The following HDAC8 variants were observed in gnomAD, a reference collection of about 807,000 sequenced individuals.
HDAC8 encodes the protein histone deacetylase-like 1.
HDAC8 carries 1 observed loss-of-function variant against 32.2 expected under a neutral mutation model. That is an observed-to-expected ratio of 0.03 (90% CI 0.01 to 0.15). The LOEUF is 0.15. Ranked by LOEUF, HDAC8 falls within the 10% of genes least tolerant of loss-of-function variation. The pLI, the probability that HDAC8 is intolerant of heterozygous loss-of-function variation, is 1.00. For missense variants in HDAC8, 117 were observed against 300.0 expected, an observed-to-expected ratio of 0.39 and a Z score of 4.51; for synonymous variants, 108 against 113.9, an observed-to-expected ratio of 0.95 and a Z score of 0.33.
At chrX:72,332,899 G>A (rs1292230679) in intron 10 of HDAC8, among the ~76,000 whole-genome samples, 2 of 110,939 alleles carry the variant, frequency 1.8e-5, no homozygotes, top group Admixed American at 1.9e-4. Flanking sequence ...TAATCCACCC[G>A]CCTCAGCCTC....
intron 4 of HDAC8, among the ~76,000 whole-genome samples, chrX:72,529,466 T>C (rs896426105): frequency 1.8e-5 from 2 of 111,566 alleles, no homozygotes; most frequent in Non-Finnish European, 3.8e-5. Flanking sequence ...GCAATGAATA[T>C]AGCTCTTGAC....
intron 9 of HDAC8, among the ~76,000 whole-genome samples, chrX:72,444,409 C>A (rs1196162267): frequency 8.9e-6 from 1 of 111,775 alleles, no homozygotes; most frequent in Non-Finnish European, 1.9e-5. Flanking sequence ...TGTAATCCAG[C>A]ATATAAACAG....
At chrX:72,334,200 G>C (rs1447693591) in intron 10 of HDAC8, among the ~76,000 whole-genome samples, 3 of 111,796 alleles carry the variant, frequency 2.7e-5, no homozygotes, top group African/African-American at 6.5e-5. Flanking sequence ...ACAGGCTGGG[G>C]CCTAGGGAGA....
intron 9 of HDAC8, among the ~76,000 whole-genome samples, chrX:72,409,325 A>G (rs781803150): frequency 1.8e-5 from 2 of 111,462 alleles, no homozygotes; most frequent in Non-Finnish European, 3.8e-5. Flanking sequence ...GACCATTTTA[A>G]TCACCTCTGC....
At chrX:72,401,053 A>G (rs1357500459) in intron 9 of HDAC8, among the ~76,000 whole-genome samples, 1 of 112,113 alleles carries the variant, frequency 8.9e-6, no homozygotes, top group Non-Finnish European at 1.9e-5. Flanking sequence ...ATTTGTGTAC[A>G]TGTTTTTGTG....
intron 5 of HDAC8, among the ~76,000 whole-genome samples, chrX:72,494,066 T>C (rs889066238): frequency 8.9e-6 from 1 of 112,121 alleles, no homozygotes; most frequent in Middle Eastern, 4.6e-3. Flanking sequence ...CCCCTTGTTA[T>C]AGGCAATAAG....
intron 10 of HDAC8, among the ~76,000 whole-genome samples, chrX:72,348,539 T>C (rs1282777197): frequency 8.9e-6 from 1 of 112,617 alleles, no homozygotes; most frequent in Non-Finnish European, 1.9e-5. Flanking sequence ...TGGACTTCTT[T>C]CTAGCCTTGT....
intron 5 of HDAC8, among the ~76,000 whole-genome samples, chrX:72,494,809 G>A (rs1050308240): frequency 8.9e-6 from 1 of 111,804 alleles, no homozygotes; most frequent in South Asian, 3.8e-4. Flanking sequence ...AATGAAAAGA[G>A]ACAAGACTGT....
At chrX:72,544,218 G>T (rs2050793097) in intron 4 of HDAC8, among the ~76,000 whole-genome samples, 1 of 111,764 alleles carries the variant, frequency 8.9e-6, no homozygotes. Context: ...TGCACTTGGA[G>T]TAATTGACCT....
In HDAC8 at chrX:72,351,721, G is replaced by C. The variant is rs1482349556; in HGVS notation, c.1111+12C>G. Reference sequence around the variant, plus strand: ...GGAACAAGGAGGGCAGGCCTCGAGGGGCGGTGCTCACCTTTGATGTAGTTG... The same window carrying C: ...GGAACAAGGAGGGCAGGCCTCGAGGCGCGGTGCTCACCTTTGATGTAGTTG... On this transcript the variant is annotated intron_variant, in intron 10 of 10. Transcript: ENST00000373573. 8.5e-7 allele frequency: 1 copy of C among 1,169,890 alleles called. No homozygotes were observed. The highest frequency in any genetic ancestry group is 1.8e-5 in the African/African-American group (1 of 56,558).
intron 4 of HDAC8, among the ~76,000 whole-genome samples, chrX:72,533,734 T>C (rs2050426907): frequency 8.9e-6 from 1 of 111,765 alleles, no homozygotes; most frequent in Non-Finnish European, 1.9e-5. Context: ...CAATATAATA[T>C]ACCATATTAC....
chrX:72,499,058 G>A (rs1401112984), intron 4 of HDAC8, among the ~76,000 whole-genome samples: 1 of 111,636 alleles, frequency 9.0e-6, no homozygotes, highest in Non-Finnish European at 1.9e-5. Flanking sequence ...CTCACCATGT[G>A]ATTTGCACAT....
intron 10 of HDAC8, among the ~76,000 whole-genome samples, chrX:72,344,686 C>T (rs184310479): frequency 9.0e-6 from 1 of 111,603 alleles, no homozygotes; most frequent in Non-Finnish European, 1.9e-5. Flanking sequence ...CCATTTCAGT[C>T]GGTATCCAGG....
intron 4 of HDAC8, among the ~76,000 whole-genome samples, chrX:72,562,387 G>A (rs2051599156): frequency 8.9e-6 from 1 of 112,194 alleles, no homozygotes; most frequent in Non-Finnish European, 1.9e-5. Context: ...ATAGCAACAT[G>A]GATGGAATTG....
chrX:72,419,234 T>A (rs2046422585), intron 9 of HDAC8, among the ~76,000 whole-genome samples: 1 of 111,783 alleles, frequency 8.9e-6, no homozygotes, highest in Non-Finnish European at 1.9e-5. Flanking sequence ...CTTAATAATA[T>A]TGTCTTCCAA....
At chrX:72,551,261 A>C (rs782574386) in intron 4 of HDAC8, among the ~76,000 whole-genome samples, 10 of 111,914 alleles carry the variant, frequency 8.9e-5, no homozygotes, top group Non-Finnish European at 1.7e-4. Flanking sequence ...AAGTCCTTGA[A>C]TATTTTGGCA....
chrX:72,450,244 G>A (rs1340233797), intron 9 of HDAC8, among the ~76,000 whole-genome samples: 3 of 112,074 alleles, frequency 2.7e-5, no homozygotes, highest in African/African-American at 9.7e-5. Context: ...CCAAGGGTTC[G>A]TGATGGAGTA....
At chrX:72,337,594 C>A (rs1028683348) in intron 10 of HDAC8, among the ~76,000 whole-genome samples, 1 of 111,211 alleles carries the variant, frequency 9.0e-6, no homozygotes, top group African/African-American at 3.3e-5. Context: ...GTACCCCAAA[C>A]TATTCTTACC....
chrX:72,361,639 T>C (rs1438680058), intron 9 of HDAC8, among the ~76,000 whole-genome samples: 1 of 109,940 alleles, frequency 9.1e-6, no homozygotes, highest in Non-Finnish European at 1.9e-5. Context: ...TGTGTGCGTG[T>C]ATATGTTTGC....
Sources: allele counts gnomAD v4.1 joint callset (sites outside exome capture counted in the v4.1 genomes callset), GRCh38; gene constraint gnomAD v4.1.1; transcripts MANE v1.5; gene names NCBI Gene and HGNC (gene_info 2026-07-23, HGNC 2026-07-21).